SGMS1: variants seen among roughly 807,000 people sequenced by gnomAD.
SGMS1 encodes sphingomyelin synthase 1, also known as phosphatidylcholine:ceramide cholinephosphotransferase 1.
In SGMS1, 13 loss-of-function variants were observed where a neutral mutation model predicts 46.2. That is an observed-to-expected ratio of 0.28 (90% CI 0.18 to 0.45). SGMS1 has a LOEUF of 0.45. SGMS1 is among the 20% of genes least tolerant of loss of function. The pLI is 1.00. For missense variants in SGMS1, 324 were observed against 519.9 expected, an observed-to-expected ratio of 0.62 and a Z score of 3.66; for synonymous variants, 203 against 187.8, an observed-to-expected ratio of 1.08 and a Z score of -0.66.
intron 2 of SGMS1, among the ~76,000 whole-genome samples, chr10:50,584,206 C>G (rs1838460636): frequency 6.6e-6 from 1 of 151,990 alleles, no homozygotes; most frequent in Non-Finnish European, 1.5e-5. Flanking sequence ...TTTCTTCCTC[C>G]TAAAGAAGAT....
At chr10:50,560,380 G>GCATATAATATATGCATATATTATAATA (rs1278833730) in intron 2 of SGMS1, among the ~76,000 whole-genome samples, 2 of 134,014 alleles carry the variant, frequency 1.5e-5, no homozygotes, top group African/African-American at 5.5e-5. Context: ...TATATTATAT[G>GCATATAATATATGCATATATTATAATA]CATATAATAT....
intron 8 of SGMS1, among the ~76,000 whole-genome samples, chr10:50,321,456 A>G (rs1028703430): frequency 1.3e-5 from 2 of 152,238 alleles, no homozygotes; most frequent in Non-Finnish European, 2.9e-5. Flanking sequence ...AATCACTGAA[A>G]AAGGAAGAGA....
intron 3 of SGMS1, 114 bp from the exon 4 acceptor site, chr10:50,467,046 G>C (rs534711487): frequency 1.3e-5 from 2 of 149,408 alleles, no homozygotes; most frequent in Admixed American, 1.3e-4. Context: ...GTATACATAG[G>C]AAAAAAAAAG....
At chr10:50,336,654 T>TA (rs904231944) in intron 7 of SGMS1, among the ~76,000 whole-genome samples, 121 of 151,426 alleles carry the variant, frequency 8.0e-4, no homozygotes, top group Middle Eastern at 3.4e-3. Flanking sequence ...CTAAATCTGT[T>TA]AAAAAAAAAT....
intron 2 of SGMS1, among the ~76,000 whole-genome samples, chr10:50,570,896 C>T (rs182469622): frequency 2.5e-4 from 37 of 145,134 alleles, no homozygotes; most frequent in Admixed American, 1.4e-3. Context: ...TATGATCACA[C>T]CACTGCACTC....
At chr10:50,521,906 T>C (rs1353997488) in intron 2 of SGMS1, among the ~76,000 whole-genome samples, 2 of 152,192 alleles carry the variant, frequency 1.3e-5, no homozygotes, top group East Asian at 3.8e-4. Flanking sequence ...AAATTACTAC[T>C]TTTTCCCTTG....
At chr10:50,426,476 A>AC (rs1406284679) in intron 6 of SGMS1, among the ~76,000 whole-genome samples, 1 of 152,170 alleles carries the variant, frequency 6.6e-6, no homozygotes, top group African/African-American at 2.4e-5. Flanking sequence ...TGAAGTTACC[A>AC]CCCATCCTAT....
intron 3 of SGMS1, among the ~76,000 whole-genome samples, chr10:50,484,454 T>G (rs1837502969): frequency 6.6e-6 from 1 of 152,150 alleles, no homozygotes; most frequent in African/African-American, 2.4e-5. Flanking sequence ...CACAGCTGAA[T>G]CCTACCAGAG....
At chr10:50,534,997 GC>G (rs1837987161) in intron 2 of SGMS1, among the ~76,000 whole-genome samples, 1 of 152,206 alleles carries the variant, frequency 6.6e-6, no homozygotes, top group South Asian at 2.1e-4. Context: ...ACTCTGGGAG[GC>G]CGAGGCGGTT....
chr10:50,352,351 T>C (rs1467526574), intron 6 of SGMS1, among the ~76,000 whole-genome samples: 1 of 147,372 alleles, frequency 6.8e-6, no homozygotes, highest in African/African-American at 2.7e-5. Context: ...CAGAAGACTG[T>C]ATGTTAGCCT....
chr10:50,450,952 C>T (rs753545205), intron 5 of SGMS1, among the ~76,000 whole-genome samples: 1 of 151,664 alleles, frequency 6.6e-6, no homozygotes, highest in Non-Finnish European at 1.5e-5. Context: ...TTTATATTTA[C>T]ATTCTAAAAT....
intron 6 of SGMS1, among the ~76,000 whole-genome samples, chr10:50,375,390 G>C (rs1449848471): frequency 1.3e-5 from 2 of 152,190 alleles, no homozygotes; most frequent in East Asian, 3.9e-4. Context: ...ATGTAGAGAG[G>C]AGGAATTTTT....
intron 8 of SGMS1, among the ~76,000 whole-genome samples, chr10:50,317,802 C>CTTTTTTT (rs143154915): frequency 7.5e-6 from 1 of 133,590 alleles, no homozygotes. Flanking sequence ...TTATTTCTTT[C>CTTTTTTT]TTTTTTTTTT....
At chr10:50,398,762 A>G (rs550273484) in intron 6 of SGMS1, among the ~76,000 whole-genome samples, 15 of 152,252 alleles carry the variant, frequency 9.9e-5, no homozygotes, top group Admixed American at 2.6e-4. Context: ...AAGCCTTATA[A>G]ACAGAGAAGC....
chr10:50,615,759 T>C, intron 1 of SGMS1, among the ~76,000 whole-genome samples: 1 of 152,124 alleles, frequency 6.6e-6, no homozygotes, highest in South Asian at 2.1e-4. Context: ...CAGCGCCTTC[T>C]CCCCTCCCTA....
chr10:50,549,827 T>C (rs1838133680), intron 2 of SGMS1, among the ~76,000 whole-genome samples: 1 of 152,124 alleles, frequency 6.6e-6, no homozygotes, highest in African/African-American at 2.4e-5. Context: ...AATGAAAAAT[T>C]TTAAATGCCA....
rs1284922715 is a variant in SGMS1 at position 50,560,209 on chromosome 10, C to T, written c.-589+29944G>A. Among the ~76,000 whole-genome samples the T allele has an allele frequency of 7.8e-5, 11 of 141,244 alleles. No homozygotes were observed. The East Asian group carries it at 8.1e-4, about 10-fold the overall frequency. 92.7% of individuals were successfully genotyped at this position (141,244 alleles called of 152,430 possible). On this transcript the variant is annotated intron_variant, in intron 2 of 10. Coordinates refer to ENST00000361781, the MANE Select transcript of SGMS1 (RefSeq NM_147156.4). ...GAATATATGTGTATATATTATATAT[C>T]GCATATATATTACATAATATATAAC...
At chr10:50,323,129 G>T (rs1235581035) in intron 8 of SGMS1, among the ~76,000 whole-genome samples, 1 of 152,152 alleles carries the variant, frequency 6.6e-6, no homozygotes, top group Non-Finnish European at 1.5e-5. Context: ...CATCTCATAG[G>T]ATTATTATTT....
intron 2 of SGMS1, among the ~76,000 whole-genome samples, chr10:50,547,411 C>G (rs1370608072): frequency 6.6e-6 from 1 of 152,070 alleles, no homozygotes; most frequent in Non-Finnish European, 1.5e-5. Context: ...ATACTAAAAA[C>G]CACCTCTGTG....
Sources: gnomAD v4.1 joint callset for allele counts (sites outside exome capture counted in the v4.1 genomes callset) on GRCh38, gnomAD v4.1.1 for gene constraint, MANE v1.5 for transcripts, NCBI Gene and HGNC (gene_info 2026-07-23, HGNC 2026-07-21) for gene names.